Variants in TAFA4 observed in about 807,000 individuals in gnomAD.
The protein encoded by TAFA4 is chemokine-like protein TAFA-4.
In TAFA4, 20 loss-of-function variants were observed where a neutral mutation model predicts 21.1. The ratio of observed to expected loss-of-function variants is 0.95; its 90% CI spans 0.67 to 1.38. The LOEUF is 1.38. Among genes scored for constraint, TAFA4 ranks in the 40% most tolerant of loss-of-function variants. The probability of loss-of-function intolerance (pLI) is 0.00; values close to 1 mark genes in which losing one functional copy is unlikely to be tolerated. For synonymous variants in TAFA4, 71 were observed against 67.4 expected, an observed-to-expected ratio of 1.05 and a Z score of -0.26; for missense variants, 211 against 180.9, an observed-to-expected ratio of 1.17 and a Z score of -0.95.
At chr3:68,832,680 C>A (rs1270705931) in intron 3 of TAFA4, among the ~76,000 whole-genome samples, 1 of 152,212 alleles carries the variant, frequency 6.6e-6, no homozygotes, top group Non-Finnish European at 1.5e-5. Context: ...ATTATCAGAG[C>A]TTGAATGCCA....
intron 4 of TAFA4, among the ~76,000 whole-genome samples, chr3:68,747,089 T>C (rs916161261): frequency 2.6e-5 from 4 of 152,072 alleles, no homozygotes; most frequent in African/African-American, 9.7e-5. Context: ...AAACGAGAGG[T>C]TGTGCTAGTT....
intron 3 of TAFA4, among the ~76,000 whole-genome samples, chr3:68,848,305 TAAGGCTAGG>T: frequency 6.6e-6 from 1 of 152,220 alleles, no homozygotes; most frequent in African/African-American, 2.4e-5. Context: ...TACATGGCTC[TAAGGCTAGG>T]CATGGGATGA....
At chr3:68,796,314 C>A (rs1703453099) in intron 3 of TAFA4, among the ~76,000 whole-genome samples, 1 of 152,130 alleles carries the variant, frequency 6.6e-6, no homozygotes, top group South Asian at 2.1e-4. Flanking sequence ...AAATTATACA[C>A]TACTACAGTA....
intron 3 of TAFA4, among the ~76,000 whole-genome samples, chr3:68,795,069 G>A (rs1703430766): frequency 6.6e-6 from 1 of 150,526 alleles, no homozygotes; most frequent in Non-Finnish European, 1.5e-5. Context: ...AGCACACAGG[G>A]TCTGAGAGAT....
intron 1 of TAFA4, among the ~76,000 whole-genome samples, chr3:68,885,591 C>A (rs1559553868): frequency 6.6e-6 from 1 of 152,096 alleles, no homozygotes; most frequent in Non-Finnish European, 1.5e-5. Flanking sequence ...AACAGAGGGT[C>A]CCAAATCATT....
intron 2 of TAFA4, among the ~76,000 whole-genome samples, chr3:68,881,906 A>G (rs1360327298): frequency 1.3e-5 from 2 of 152,186 alleles, no homozygotes; most frequent in Non-Finnish European, 2.9e-5. Context: ...CTACTCCACG[A>G]AAACACATCA....
At chr3:68,906,704 T>G (rs866173761) in intron 1 of TAFA4, among the ~76,000 whole-genome samples, 5 of 152,084 alleles carry the variant, frequency 3.3e-5, no homozygotes, top group Non-Finnish European at 1.5e-5. Context: ...CTTGCCTGTA[T>G]GTAGACAGCA....
At chr3:68,828,130 G>C (rs1704296210) in intron 3 of TAFA4, among the ~76,000 whole-genome samples, 1 of 152,210 alleles carries the variant, frequency 6.6e-6, no homozygotes, top group South Asian at 2.1e-4. Context: ...TATTAAATAG[G>C]GAATCCTTTC....
chr3:68,865,552 T>C (rs1020703458), intron 3 of TAFA4, among the ~76,000 whole-genome samples: 2 of 152,146 alleles, frequency 1.3e-5, no homozygotes, highest in Non-Finnish European at 2.9e-5. Flanking sequence ...TCCTTTGCCT[T>C]CTGCCATGAT....
intron 3 of TAFA4, among the ~76,000 whole-genome samples, chr3:68,772,865 C>A (rs1323649532): frequency 6.6e-6 from 1 of 152,164 alleles, no homozygotes; most frequent in East Asian, 1.9e-4. Flanking sequence ...TCCATCCATC[C>A]ATCCATCCAT....
intron 3 of TAFA4, among the ~76,000 whole-genome samples, chr3:68,754,768 A>G (rs532272979): frequency 6.6e-6 from 1 of 152,294 alleles, no homozygotes; most frequent in South Asian, 2.1e-4. Flanking sequence ...TCAATTATCA[A>G]TATGATAGTT....
intron 1 of TAFA4, among the ~76,000 whole-genome samples, chr3:68,912,430 C>T (rs1426596559): frequency 1.3e-5 from 2 of 152,160 alleles, no homozygotes; most frequent in Non-Finnish European, 2.9e-5. Context: ...TAATTAAATG[C>T]AAAACAGGAA....
At position 68,750,942 on chromosome 3, in the gene TAFA4, G is replaced by A. The variant is rs146162283; in HGVS notation, c.286+1921C>T. 1.3e-4 allele frequency among the ~76,000 whole-genome samples: 20 copies of A among 152,258 alleles called. No homozygotes were observed. The East Asian group carries it at 3.7e-3, about 28-fold the overall frequency. On this transcript the variant is annotated intron_variant, in intron 4 of 5. Transcript: ENST00000295569. ...GAGACCACATCCCCATCCACAAGCT[G>A]TTTACATACTAACTGGAAGGCATAC...
chr3:68,905,469 G>A (rs565656203), intron 1 of TAFA4, among the ~76,000 whole-genome samples: 1 of 152,046 alleles, frequency 6.6e-6, no homozygotes, highest in South Asian at 2.1e-4. Context: ...CGCCCGGCCG[G>A]TCTCTGCTTT....
intron 5 of TAFA4, among the ~76,000 whole-genome samples, chr3:68,734,224 T>A (rs1304655031): frequency 2.6e-5 from 4 of 152,148 alleles, no homozygotes; most frequent in Non-Finnish European, 5.9e-5. Flanking sequence ...TTTGATTTTT[T>A]CCAAGTACTT....
intron 3 of TAFA4, among the ~76,000 whole-genome samples, chr3:68,779,381 A>C (rs570343690): frequency 6.6e-6 from 1 of 152,362 alleles, no homozygotes; most frequent in East Asian, 1.9e-4. Context: ...CCGAATGTTA[A>C]TCACCAAGAC....
chr3:68,805,620 C>T (rs1346790425), intron 3 of TAFA4, among the ~76,000 whole-genome samples: 3 of 152,158 alleles, frequency 2.0e-5, no homozygotes, highest in African/African-American at 7.2e-5. Context: ...GAACACTATG[C>T]AGCCATAAAA....
At chr3:68,893,156 AG>A (rs1190970786) in intron 1 of TAFA4, among the ~76,000 whole-genome samples, 1 of 152,214 alleles carries the variant, frequency 6.6e-6, no homozygotes, top group Non-Finnish European at 1.5e-5. Context: ...AGAATGTCTA[AG>A]GATTTTATTT....
chr3:68,866,140 A>C (rs1044396430), intron 3 of TAFA4, among the ~76,000 whole-genome samples: 2 of 152,136 alleles, frequency 1.3e-5, no homozygotes, highest in African/African-American at 4.8e-5. Context: ...ACCTCAGCTC[A>C]CAAAACTCAG....
Sources: allele counts gnomAD v4.1 joint callset (sites outside exome capture counted in the v4.1 genomes callset), GRCh38; gene constraint gnomAD v4.1.1; transcripts MANE v1.5; gene names NCBI Gene and HGNC (gene_info 2026-07-23, HGNC 2026-07-21).